PROSER1: variants seen among roughly 807,000 people sequenced by gnomAD.
PROSER1 encodes proline and serine-rich protein 1.
Under a neutral mutation model 71.8 loss-of-function variants are expected in PROSER1, and 36 were observed. The ratio of observed to expected loss-of-function variants is 0.50; its 90% confidence interval spans 0.38 to 0.66. The LOEUF (loss-of-function observed/expected upper bound fraction) is 0.66. Ranked by LOEUF, PROSER1 falls within the 30% of genes least tolerant of loss-of-function variation. The pLI is 0.00. For missense variants in PROSER1, 1,107 were observed against 1,135.0 expected (o/e 0.98, Z 0.35); for synonymous variants, 490 against 452.4 (o/e 1.08, Z -1.06).
chr13:39,017,031 T>C (rs1188013372), intron 10 of PROSER1, among the ~76,000 whole-genome samples: 1 of 152,264 alleles, frequency 6.6e-6, no homozygotes, highest in Non-Finnish European at 1.5e-5. Flanking sequence ...ATTTTCATTT[T>C]TCAATTCCAT....
chr13:39,034,681 A>G (rs1871013127), intron 1 of PROSER1, among the ~76,000 whole-genome samples: 1 of 152,260 alleles, frequency 6.6e-6, no homozygotes, highest in African/African-American at 2.4e-5. Context: ...CTATAGGGAC[A>G]TAAGAATGCA....
At chr13:39,024,577 A>T in intron 6 of PROSER1, 21 bp from the exon 7 acceptor site, 1 of 1,414,170 alleles carries the variant, frequency 7.1e-7, no homozygotes, top group Non-Finnish European at 9.7e-7. Context: ...AAAAAAAAAA[A>T]GGTAATTGAA....
chr13:39,036,678 C>T (rs1227875545), intron 1 of PROSER1, among the ~76,000 whole-genome samples: 1 of 152,150 alleles, frequency 6.6e-6, no homozygotes, highest in Non-Finnish European at 1.5e-5. Flanking sequence ...AAGTTATTGA[C>T]GGCCAATTCC....
intron 9 of PROSER1, chr13:39,018,020 T>G (rs1192841256): frequency 6.5e-6 from 1 of 154,462 alleles, no homozygotes; most frequent in East Asian, 1.9e-4. Flanking sequence ...AGAAGCGAGG[T>G]GGCAGCTGGA....
chr13:39,011,976 C>A, intron 12 of PROSER1, 107 bp downstream of exon 12: 1 of 1,177,798 alleles, frequency 8.5e-7, no homozygotes, highest in Non-Finnish European at 1.2e-6. Flanking sequence ...CTGCTAAGAG[C>A]CATTTTTTGC....
Position 39,028,104 on chromosome 13 carries a change from T to G in PROSER1, c.369+123A>C, listed in dbSNP as rs1308502878. 2.8e-5 allele frequency: 16 copies of G among 571,040 alleles called. No homozygotes were observed. In the East Asian group the frequency reaches 4.7e-4, roughly 17 times the overall value. The allele number at this position is 571,040 out of a possible 1,614,324, so 35.4% of individuals were successfully genotyped here. A position where few individuals can be genotyped will look rare whatever the true frequency, so the allele number is the denominator to read the frequency against. ...CCGCAGACCGCAGGGATGTTCATTTTTAACCCATTGTACAACAGCATTCAA... is the reference window on the plus strand; with the variant it reads ...CCGCAGACCGCAGGGATGTTCATTTGTAACCCATTGTACAACAGCATTCAA... On this transcript the variant is annotated intron_variant, in intron 5 of 12. Transcript: ENST00000352251.
intron 9 of PROSER1, among the ~76,000 whole-genome samples, chr13:39,019,721 C>G (rs1041948522): frequency 6.7e-6 from 1 of 150,362 alleles, no homozygotes; most frequent in African/African-American, 2.5e-5. Context: ...TACAATTTAG[C>G]AAAAGGTAAG....
In PROSER1 at chr13:39,037,449, T is replaced by C. The variant is rs1871174343; in HGVS notation, c.-207A>G. 1 of 563,712 alleles carries C rather than the reference T, an allele frequency of 1.8e-6. No homozygotes were observed. Among genetic ancestry groups the C allele is most frequent in the African/African-American group, 1.9e-5 (1 of 52,872 alleles). 34.9% of individuals were successfully genotyped at this position (563,712 alleles called of 1,614,324 possible). ...TTGAGATTCAGAAAAACTCTTTTTATTAAAAAGAAAAAACACTCCAGTCAG... is the reference window on the plus strand; with the variant it reads ...TTGAGATTCAGAAAAACTCTTTTTACTAAAAAGAAAAAACACTCCAGTCAG... On this transcript the variant is annotated 5_prime_UTR_variant, in exon 1 of 13. Coordinates refer to ENST00000352251, the MANE Select transcript of PROSER1 (RefSeq NM_025138.5).
chr13:39,034,245 G>A (rs572810559), intron 1 of PROSER1, 49 bp from the exon 2 acceptor site: 18 of 1,456,760 alleles, frequency 1.2e-5, no homozygotes, highest in Admixed American at 4.5e-5. Context: ...ATTAATATAC[G>A]TAAGCAGCAC....
At position 39,037,336 on chromosome 13, in the gene PROSER1, T is replaced by C; in HGVS notation, c.-94A>G. On this transcript the variant is annotated 5_prime_UTR_variant, in exon 1 of 13. Coordinates refer to ENST00000352251, the MANE Select transcript of PROSER1 (RefSeq NM_025138.5). ...CTCCGCCGATAGTAAAAAATATTTA[T>C]AGCTGAGGAGGAAAAAGACTCCACG... 2.1e-6 allele frequency: 2 copies of C among 932,628 alleles called. No homozygotes were observed. The highest frequency in any genetic ancestry group is 2.7e-5 in the South Asian group (2 of 74,684). The allele number at this position is 932,628 out of a possible 1,614,324, so 57.8% of individuals were successfully genotyped here.
intron 2 of PROSER1, 45 bp downstream of exon 2, chr13:39,034,086 T>C (rs756677531): frequency 6.5e-6 from 9 of 1,375,356 alleles, no homozygotes; most frequent in East Asian, 2.5e-5. Context: ...AACCAGAACA[T>C]TGGTATAAAA....
At chr13:39,032,379 A>AG (rs1213268453) in intron 2 of PROSER1, among the ~76,000 whole-genome samples, 1 of 152,154 alleles carries the variant, frequency 6.6e-6, no homozygotes, top group Non-Finnish European at 1.5e-5. Context: ...AGCCAGTAAG[A>AG]GGGGAGCACA....
At chr13:39,019,175 G>A (rs553598911) in intron 9 of PROSER1, among the ~76,000 whole-genome samples, 89 of 152,062 alleles carry the variant, frequency 5.9e-4, no homozygotes, top group African/African-American at 2.0e-3. Context: ...AAGCAAAAAT[G>A]TCTAGTATCC....
chr13:39,024,411 A>T (rs1289224653), intron 7 of PROSER1, 62 bp downstream of exon 7: 6 of 1,204,848 alleles, frequency 5.0e-6, no homozygotes, highest in Non-Finnish European at 7.2e-6. Context: ...TTATGCTTTG[A>T]GTAAAAAGGA....
chr13:39,014,098 G>A lies in PROSER1; in HGVS notation c.1154C>T (p.Thr385Ile), dbSNP rs1217899843. ...ACTGGAACCAAGAGTGGACCGTGGT[G>A]TAGGTCCTGGGGTAGGAGTGGCTGC... ...PTAATPTPGPTPRSTLGSSEA... is the reference protein window; with the variant it reads ...PTAATPTPGPIPRSTLGSSEA... Residue 385 changes from threonine to isoleucine, a missense_variant, in exon 11 of 13, where the codon ACA becomes ATA. By Grantham distance (89) the Thr-to-Ile change is moderately conservative. Coordinates refer to ENST00000352251, the MANE Select transcript of PROSER1 (RefSeq NM_025138.5). 3.7e-6 allele frequency: 6 copies of A among 1,614,218 alleles called. No individual in the cohort carries two copies. The highest frequency in any genetic ancestry group is 1.7e-5 in the Admixed American group (1 of 60,024).
At chr13:39,029,966 T>C (rs936335658) in intron 3 of PROSER1, among the ~76,000 whole-genome samples, 1 of 152,198 alleles carries the variant, frequency 6.6e-6, no homozygotes, top group Admixed American at 6.5e-5. Context: ...CTAGAGTACC[T>C]TTATTTCTGA....
At chr13:39,025,964 C>A (rs1451275428) in intron 6 of PROSER1, among the ~76,000 whole-genome samples, 1 of 152,172 alleles carries the variant, frequency 6.6e-6, no homozygotes, top group Non-Finnish European at 1.5e-5. Flanking sequence ...TTCCCAAACA[C>A]ACTTCACTGA....
chr13:39,011,574 T>G (rs886627322), intron 12 of PROSER1, 87 bp from the exon 13 acceptor site: 29 of 1,344,692 alleles, frequency 2.2e-5, no homozygotes, highest in Non-Finnish European at 2.7e-5. Context: ...ACAGAGATAT[T>G]CAGAATAGGA....
chr13:39,012,146 A>G lies in PROSER1; in HGVS notation c.2649T>C (p.Pro883=). The change falls in exon 12 of 13, where the codon CCT becomes CCC. Residue 883 remains proline, a synonymous_variant. Coordinates refer to ENST00000352251, the MANE Select transcript of PROSER1 (RefSeq NM_025138.5). ...GTAATTCTTGCAAGGATGATTGTGA[A>G]GGATTCTGAGGAAACCCAGGGATAC... is the stretch of plus-strand genomic sequence containing the variant. ...LPGIPGFPQN[P]SQSSLQELQH... 4 of 1,614,220 alleles carry G rather than the reference A, an allele frequency of 2.5e-6. No homozygotes were observed. The highest frequency in any genetic ancestry group is 3.4e-6 in the Non-Finnish European group (4 of 1,180,028).
Sources: allele counts gnomAD v4.1 joint callset (sites outside exome capture counted in the v4.1 genomes callset), GRCh38; gene constraint gnomAD v4.1.1; transcripts MANE v1.5; gene names NCBI Gene and HGNC (gene_info 2026-07-23, HGNC 2026-07-21).